GALNTL6: variants seen among roughly 807,000 people sequenced by gnomAD.
GALNTL6 encodes polypeptide N-acetylgalactosaminyltransferase-like 6.
Under a neutral mutation model 73.7 loss-of-function variants are expected in GALNTL6, and 46 were observed. That is an observed-to-expected ratio of 0.62 (90% CI 0.49 to 0.80). The LOEUF (loss-of-function observed/expected upper bound fraction) is 0.80, where lower values mean the gene tolerates loss of function less well. Among genes scored for constraint, GALNTL6 ranks in the 30% least tolerant of loss-of-function variants. GALNTL6 has a pLI of 0.00. For missense variants in GALNTL6, 604 were observed against 755.0 expected (o/e 0.80, Z 2.34); for synonymous variants, 259 against 263.7 (o/e 0.98, Z 0.17).
At chr4:172,179,311 G>A (rs1217726694) in intron 2 of GALNTL6, among the ~76,000 whole-genome samples, 1 of 151,078 alleles carries the variant, frequency 6.6e-6, no homozygotes, top group Non-Finnish European at 1.5e-5. Context: ...ATCCTCTCCA[G>A]CACCTGTTGT....
At chr4:172,735,664 G>C (rs1322308135) in intron 5 of GALNTL6, among the ~76,000 whole-genome samples, 1 of 152,162 alleles carries the variant, frequency 6.6e-6, no homozygotes, top group African/African-American at 2.4e-5. Flanking sequence ...GTTTGGCTAT[G>C]TCTGCTTCCA....
intron 2 of GALNTL6, among the ~76,000 whole-genome samples, chr4:172,150,829 T>G (rs575595566): frequency 2.6e-5 from 4 of 152,290 alleles, no homozygotes; most frequent in African/African-American, 9.6e-5. Context: ...ATATTAATAA[T>G]GTCTTATAGT....
chr4:172,593,943 A>C (rs1737752442), intron 5 of GALNTL6, among the ~76,000 whole-genome samples: 1 of 152,080 alleles, frequency 6.6e-6, no homozygotes, highest in African/African-American at 2.4e-5. Flanking sequence ...GAGCTGAAAA[A>C]ATTACTATTC....
chr4:172,315,474 G>A (rs1013491531), intron 4 of GALNTL6, among the ~76,000 whole-genome samples: 1 of 152,120 alleles, frequency 6.6e-6, no homozygotes, highest in African/African-American at 2.4e-5. Flanking sequence ...TGTTGGCCAG[G>A]CTAGTCCTGA....
At chr4:172,810,181 C>T (rs540457526) in intron 6 of GALNTL6, among the ~76,000 whole-genome samples, 1 of 152,276 alleles carries the variant, frequency 6.6e-6, no homozygotes, top group African/African-American at 2.4e-5. Flanking sequence ...GTCTTAAATG[C>T]TCACAATATG....
chr4:172,976,066 G>C (rs1750794465), intron 10 of GALNTL6, among the ~76,000 whole-genome samples: 1 of 152,112 alleles, frequency 6.6e-6, no homozygotes, highest in Non-Finnish European at 1.5e-5. Flanking sequence ...CAGCTCCCTG[G>C]AGTGCCCACC....
intron 2 of GALNTL6, among the ~76,000 whole-genome samples, chr4:171,929,954 T>C (rs1560845952): frequency 6.6e-6 from 1 of 152,198 alleles, no homozygotes; most frequent in Non-Finnish European, 1.5e-5. Context: ...CCAGAAAATC[T>C]GTCACTGAGG....
intron 2 of GALNTL6, among the ~76,000 whole-genome samples, chr4:172,145,716 C>T (rs182177423): frequency 8.7e-4 from 133 of 152,268 alleles, no homozygotes; most frequent in African/African-American, 1.8e-3. Flanking sequence ...ACTATATTCA[C>T]GTGGCTACAG....
At chr4:172,794,459 G>A (rs1740158330) in intron 5 of GALNTL6, among the ~76,000 whole-genome samples, 2 of 152,160 alleles carry the variant, frequency 1.3e-5, no homozygotes, top group Admixed American at 6.5e-5. Flanking sequence ...TTGACATAAC[G>A]AGGAAGAGTG....
chr4:172,022,871 G>A (rs555477075), intron 2 of GALNTL6, among the ~76,000 whole-genome samples: 4 of 152,036 alleles, frequency 2.6e-5, no homozygotes, highest in African/African-American at 9.6e-5. Flanking sequence ...AATTCTCTGA[G>A]CCACCCCATT....
chr4:172,758,421 A>G (rs1737875958), intron 5 of GALNTL6, among the ~76,000 whole-genome samples: 1 of 152,134 alleles, frequency 6.6e-6, no homozygotes, highest in Admixed American at 6.5e-5. Context: ...CTGTAATCCC[A>G]GCTACTTGGG....
At position 172,841,352 on chromosome 4, in the gene GALNTL6, A is replaced by G. The variant is rs553050295; in HGVS notation, c.923+27629A>G. On this transcript the variant is annotated intron_variant, in intron 7 of 12. Coordinates refer to ENST00000506823, the MANE Select transcript of GALNTL6 (RefSeq NM_001034845.3). ...TGTTGCAACAATTCTACAAATCAAT[A>G]CTATCGTTAATCCCTTTCAACTGGT... Among the ~76,000 whole-genome samples the G allele has an allele frequency of 3.3e-5, 5 of 152,256 alleles. No homozygotes were observed. In the East Asian group the frequency reaches 7.7e-4, roughly 24 times the overall value.
intron 5 of GALNTL6, among the ~76,000 whole-genome samples, chr4:172,787,118 A>C (rs1739705425): frequency 1.3e-5 from 2 of 152,200 alleles, no homozygotes; most frequent in Admixed American, 1.3e-4. Context: ...AAAACACAAA[A>C]TTCCAGGAAA....
intron 2 of GALNTL6, among the ~76,000 whole-genome samples, chr4:171,912,369 G>A (rs1356881217): frequency 1.3e-5 from 2 of 151,898 alleles, no homozygotes; most frequent in African/African-American, 4.8e-5. Context: ...GTAAGGAAGG[G>A]GATGATATTT....
chr4:171,973,700 A>G (rs1260005047), intron 2 of GALNTL6, among the ~76,000 whole-genome samples: 1 of 152,230 alleles, frequency 6.6e-6, no homozygotes, highest in African/African-American at 2.4e-5. Flanking sequence ...GACAGAATTC[A>G]ATCCACAGCA....
At chr4:172,554,907 T>G (rs747922731) in intron 5 of GALNTL6, among the ~76,000 whole-genome samples, 2 of 152,212 alleles carry the variant, frequency 1.3e-5, no homozygotes, top group Admixed American at 6.5e-5. Context: ...TTTCTGGAAT[T>G]ACTAAAATTT....
intron 5 of GALNTL6, among the ~76,000 whole-genome samples, chr4:172,786,998 CCT>C (rs1305340783): frequency 2.0e-5 from 3 of 152,134 alleles, no homozygotes; most frequent in African/African-American, 7.2e-5. Flanking sequence ...GTAATCTCCA[CCT>C]CTCCCTCCAC....
At chr4:172,855,353 G>A in intron 7 of GALNTL6, among the ~76,000 whole-genome samples, 1 of 152,216 alleles carries the variant, frequency 6.6e-6, no homozygotes, top group South Asian at 2.1e-4. Flanking sequence ...GTAATGGAAA[G>A]ATATATATAC....
intron 12 of GALNTL6, among the ~76,000 whole-genome samples, chr4:173,033,157 T>C (rs1251131674): frequency 1.3e-5 from 2 of 152,118 alleles, no homozygotes; most frequent in East Asian, 1.9e-4. Context: ...TGCGCCACCA[T>C]GCCCAGCTAA....
Sources: allele counts gnomAD v4.1 joint callset (sites outside exome capture counted in the v4.1 genomes callset), GRCh38; gene constraint gnomAD v4.1.1; transcripts MANE v1.5; gene names NCBI Gene and HGNC (gene_info 2026-07-23, HGNC 2026-07-21).